PTPRD: variants seen among roughly 807,000 people sequenced by gnomAD.
PTPRD encodes the protein receptor-type tyrosine-protein phosphatase delta.
A neutral mutation model predicts 214.5 loss-of-function variants in PTPRD; 34 were observed. The observed-to-expected ratio is 0.16, with a 90% CI of 0.12 to 0.21. The LOEUF is 0.21. Ranked by LOEUF, PTPRD falls within the 10% of genes least tolerant of loss-of-function variation. PTPRD has a pLI of 1.00. For synonymous variants in PTPRD, 1,128 were observed against 845.7 expected (o/e 1.33, Z -5.79); for missense variants, 2,545 against 2,398.7 (o/e 1.06, Z -1.27).
chr9:8,779,066 T>C (rs759083684), intron 11 of PTPRD, among the ~76,000 whole-genome samples: 2 of 152,150 alleles, frequency 1.3e-5, no homozygotes. Context: ...GTGGAGGGAA[T>C]GTCAGAGGCA....
intron 12 of PTPRD, among the ~76,000 whole-genome samples, chr9:8,662,968 T>C (rs899325781): frequency 2.0e-5 from 3 of 152,126 alleles, no homozygotes; most frequent in African/African-American, 4.8e-5. Flanking sequence ...ATTCCTGGTG[T>C]CTGGAATATA....
chr9:10,294,212 G>C lies in PTPRD; in HGVS notation c.-545+46751C>G, dbSNP rs536675725. Among the ~76,000 whole-genome samples the C allele has an allele frequency of 7.2e-5, 11 of 152,050 alleles. No individual in the cohort carries two copies. In the South Asian group the frequency reaches 2.1e-3, roughly 29 times the overall value. ...AATTTCCCAAGTTTATTGATAAAGA[G>C]TAAGAGAGATACCAGCCAGGCTAAA... On this transcript the variant is annotated intron_variant, in intron 3 of 45. Coordinates refer to ENST00000381196, the MANE Select transcript of PTPRD (RefSeq NM_002839.4).
At chr9:9,768,155 C>T (rs1224203857) in intron 5 of PTPRD, among the ~76,000 whole-genome samples, 1 of 152,110 alleles carries the variant, frequency 6.6e-6, no homozygotes, top group Non-Finnish European at 1.5e-5. Flanking sequence ...CTTTTTCACA[C>T]CTTCTAGATT....
intron 11 of PTPRD, among the ~76,000 whole-genome samples, chr9:8,741,897 C>CTTT (rs1394344818): frequency 1.3e-5 from 2 of 151,872 alleles, no homozygotes; most frequent in Non-Finnish European, 2.9e-5. Flanking sequence ...CCGGGCATTT[C>CTTT]TTTTTTTATG....
intron 5 of PTPRD, among the ~76,000 whole-genome samples, chr9:9,917,486 G>A (rs937702742): frequency 3.5e-5 from 5 of 142,446 alleles, no homozygotes; most frequent in African/African-American, 1.3e-4. Context: ...AGGACCAGAT[G>A]TCTTTACCAC....
At chr9:10,067,530 T>C (rs1270078381) in intron 3 of PTPRD, among the ~76,000 whole-genome samples, 1 of 151,906 alleles carries the variant, frequency 6.6e-6, no homozygotes, top group Non-Finnish European at 1.5e-5. Context: ...AATACTAGCA[T>C]CTAAAATTGA....
intron 3 of PTPRD, among the ~76,000 whole-genome samples, chr9:10,195,686 G>A (rs922422927): frequency 6.6e-6 from 1 of 152,094 alleles, no homozygotes; most frequent in Non-Finnish European, 1.5e-5. Context: ...TATTTGCAAA[G>A]ATAGATATGG....
chr9:10,404,421 T>C (rs867700758), intron 2 of PTPRD, among the ~76,000 whole-genome samples: 2 of 151,746 alleles, frequency 1.3e-5, no homozygotes, highest in Non-Finnish European at 2.9e-5. Context: ...TCAAGAGTTA[T>C]TGTATCAGTT....
chr9:9,511,240 A>G (rs746680996), intron 8 of PTPRD, among the ~76,000 whole-genome samples: 1 of 151,778 alleles, frequency 6.6e-6, no homozygotes, highest in Non-Finnish European at 1.5e-5. Context: ...AAATACCCTC[A>G]TCCTCTATGG....
intron 11 of PTPRD, among the ~76,000 whole-genome samples, chr9:8,883,593 A>G (rs966509743): frequency 6.6e-6 from 1 of 152,212 alleles, no homozygotes; most frequent in Non-Finnish European, 1.5e-5. Context: ...GCACTCTGAC[A>G]TGTTGATTAT....
chr9:8,323,622 G>C (rs534428263), intron 44 of PTPRD, among the ~76,000 whole-genome samples: 8 of 152,074 alleles, frequency 5.3e-5, no homozygotes, highest in Non-Finnish European at 1.0e-4. Context: ...AAGATAACTA[G>C]AACTAGAAGT....
intron 8 of PTPRD, among the ~76,000 whole-genome samples, chr9:9,561,803 T>G (rs906651173): frequency 6.6e-6 from 1 of 152,246 alleles, no homozygotes; most frequent in East Asian, 1.9e-4. Flanking sequence ...TTCTATCTAC[T>G]GGTTGTACCT....
intron 8 of PTPRD, among the ~76,000 whole-genome samples, chr9:9,464,732 A>G (rs1320949935): frequency 6.6e-6 from 1 of 152,182 alleles, no homozygotes; most frequent in African/African-American, 2.4e-5. Context: ...TGCAGTAAAC[A>G]TGAGTTTTTA....
intron 3 of PTPRD, among the ~76,000 whole-genome samples, chr9:10,186,908 T>C (rs1010826378): frequency 7.9e-5 from 12 of 152,150 alleles, no homozygotes; most frequent in African/African-American, 2.9e-4. Flanking sequence ...TGTTGATATA[T>C]TTAGAAACCC....
At chr9:9,682,581 T>C (rs142862441) in intron 7 of PTPRD, among the ~76,000 whole-genome samples, 2 of 151,564 alleles carry the variant, frequency 1.3e-5, no homozygotes, top group African/African-American at 2.4e-5. Flanking sequence ...GAAAAGAAGG[T>C]AGGGAAGGGA....
chr9:8,941,901 G>T (rs1421030511), intron 11 of PTPRD, among the ~76,000 whole-genome samples: 1 of 152,158 alleles, frequency 6.6e-6, no homozygotes, highest in Non-Finnish European at 1.5e-5. Flanking sequence ...CGCCTCCCGG[G>T]TTCAAGCGAT....
chr9:10,584,816 T>C (rs1357908912), intron 2 of PTPRD, among the ~76,000 whole-genome samples: 1 of 152,156 alleles, frequency 6.6e-6, no homozygotes, highest in African/African-American at 2.4e-5. Flanking sequence ...ATAAGAAGTA[T>C]CTGACTCCAG....
intron 33 of PTPRD, among the ~76,000 whole-genome samples, chr9:8,451,365 G>A (rs915488342): frequency 4.6e-5 from 7 of 152,132 alleles, no homozygotes; most frequent in African/African-American, 1.7e-4. Flanking sequence ...CCAATCAGAG[G>A]TGAGCAGTAT....
At chr9:9,031,277 A>G (rs2099604494) in intron 10 of PTPRD, among the ~76,000 whole-genome samples, 1 of 132,868 alleles carries the variant, frequency 7.5e-6, no homozygotes, top group African/African-American at 2.7e-5. Flanking sequence ...TGTTTAATGA[A>G]TATAGTCATG....
Sources: allele counts gnomAD v4.1 joint callset (sites outside exome capture counted in the v4.1 genomes callset), GRCh38; gene constraint gnomAD v4.1.1; transcripts MANE v1.5; gene names NCBI Gene and HGNC (gene_info 2026-07-23, HGNC 2026-07-21).